The following PPHLN1 variants were observed in gnomAD, a reference collection of about 807,000 sequenced individuals.
The protein encoded by PPHLN1 is periphilin 1.
A neutral mutation model predicts 51.3 loss-of-function variants in PPHLN1; 29 were observed. That is an observed-to-expected ratio of 0.57 (90% CI 0.42 to 0.77). The LOEUF is 0.77. Among genes scored for constraint, PPHLN1 ranks in the 30% least tolerant of loss-of-function variants. The pLI is 0.00. For missense variants in PPHLN1, 436 were observed against 438.4 expected (o/e 0.99, Z 0.05); for synonymous variants, 147 against 147.8 (o/e 0.99, Z 0.04).
intron 2 of PPHLN1, among the ~76,000 whole-genome samples, chr12:42,347,962 CT>C (rs1223139674): frequency 6.6e-6 from 1 of 152,114 alleles, no homozygotes; most frequent in African/African-American, 2.4e-5. Flanking sequence ...AGGGAGTTTT[CT>C]TTAAGATCAG....
At chr12:42,388,619 A>G (rs983198682) in intron 7 of PPHLN1, among the ~76,000 whole-genome samples, 1 of 151,906 alleles carries the variant, frequency 6.6e-6, no homozygotes, top group African/African-American at 2.4e-5. Flanking sequence ...TTCTTTCTCT[A>G]TACTTTGTCT....
downstream of PPHLN1, chr12:42,444,972 T>C: frequency 1.5e-6 from 1 of 687,124 alleles, no homozygotes; most frequent in South Asian, 1.5e-5. Context: ...AGCCCTAATA[T>C]TGGCCCTAGA....
chr12:42,435,171 T>G (rs1816566044), intron 9 of PPHLN1, among the ~76,000 whole-genome samples: 2 of 152,274 alleles, frequency 1.3e-5, no homozygotes, highest in Admixed American at 1.3e-4. Flanking sequence ...AATTAAGGAT[T>G]AATCTTTGGT....
intron 4 of PPHLN1, among the ~76,000 whole-genome samples, chr12:42,362,845 G>T (rs1291228337): frequency 6.6e-6 from 1 of 152,170 alleles, no homozygotes; most frequent in Non-Finnish European, 1.5e-5. Context: ...CAAGACCCTG[G>T]TCACTCATTA....
chr12:42,357,312 AG>A (rs1250590445), intron 4 of PPHLN1, among the ~76,000 whole-genome samples: 17 of 152,312 alleles, frequency 1.1e-4, no homozygotes, highest in African/African-American at 4.1e-4. Flanking sequence ...GAAAGAGTAA[AG>A]GGCTAAATGG....
At chr12:42,327,353 C>G (rs1383944545) in intron 1 of PPHLN1, among the ~76,000 whole-genome samples, 3 of 152,186 alleles carry the variant, frequency 2.0e-5, no homozygotes. Flanking sequence ...CGTAGATTTT[C>G]CTGCCAGCCA....
intron 1 of PPHLN1, chr12:42,332,605 A>G: frequency 8.6e-7 from 1 of 1,163,454 alleles, no homozygotes; most frequent in Non-Finnish European, 1.3e-6. Flanking sequence ...ATTTCTCTAT[A>G]TTGGTTGGTT....
intron 6 of PPHLN1, 81 bp from the exon 7 acceptor site, chr12:42,387,375 C>T (rs1425460247): frequency 2.8e-6 from 4 of 1,440,352 alleles, no homozygotes; most frequent in Non-Finnish European, 3.8e-6. Context: ...GTATGACCCC[C>T]ACATTAATTC....
intron 9 of PPHLN1, among the ~76,000 whole-genome samples, chr12:42,409,799 G>T (rs1383211054): frequency 6.6e-6 from 1 of 151,872 alleles, no homozygotes; most frequent in Non-Finnish European, 1.5e-5. Context: ...GATAATTGAC[G>T]ATTATTTATC....
In PPHLN1 at chr12:42,377,362, A is replaced by G. The variant is rs527306597; in HGVS notation, c.511+2288A>G. On this transcript the variant is annotated intron_variant, in intron 5 of 9. Transcript: ENST00000358314. ...TGCTCTGTCACCCAGGCTGGAGTGCAGTGGTGTGATCTCAACTCACTGCAA... is the reference window on the plus strand; with the variant it reads ...TGCTCTGTCACCCAGGCTGGAGTGCGGTGGTGTGATCTCAACTCACTGCAA... Among the ~76,000 whole-genome samples, 13 of 139,058 alleles carry G rather than the reference A, an allele frequency of 9.3e-5. No individual in the cohort carries two copies. In the East Asian group the frequency reaches 2.8e-3, roughly 29 times the overall value. The allele number at this position is 139,058 out of a possible 152,430, so 91.2% of individuals were successfully genotyped here.
intron 9 of PPHLN1, among the ~76,000 whole-genome samples, chr12:42,411,675 C>T (rs1346418792): frequency 1.3e-5 from 2 of 151,394 alleles, no homozygotes; most frequent in African/African-American, 2.4e-5. Context: ...GAGGCCGAGG[C>T]GGGTGGATCA....
At chr12:42,439,319 G>GT (rs1434536870) in intron 9 of PPHLN1, among the ~76,000 whole-genome samples, 1 of 152,218 alleles carries the variant, frequency 6.6e-6, no homozygotes, top group Non-Finnish European at 1.5e-5. Flanking sequence ...AGTCTTGAAC[G>GT]TAACTGTCAA....
At chr12:42,343,820 C>T (rs747244873) in intron 2 of PPHLN1, 3 of 421,948 alleles carry the variant, frequency 7.1e-6, no homozygotes, top group African/African-American at 2.1e-5. Flanking sequence ...CTCTCTGGGT[C>T]GATACCAGTT....
chr12:42,338,079 T>C (rs1307025433), intron 2 of PPHLN1, among the ~76,000 whole-genome samples: 3 of 151,916 alleles, frequency 2.0e-5, no homozygotes, highest in African/African-American at 7.3e-5. Context: ...CCACTGCCAC[T>C]GCACCCGCAT....
chr12:42,365,614 T>C (rs73270293), intron 4 of PPHLN1, among the ~76,000 whole-genome samples: 2,864 of 113,786 alleles, frequency 0.025, 77 homozygotes, highest in African/African-American at 0.08. Context: ...TAAAGTAATC[T>C]GCAATCACAG....
At chr12:42,364,082 G>A (rs916393576) in intron 4 of PPHLN1, among the ~76,000 whole-genome samples, 3 of 151,996 alleles carry the variant, frequency 2.0e-5, no homozygotes, top group Admixed American at 2.0e-4. Flanking sequence ...AAATTAGCCA[G>A]GCATGGTGGC....
At chr12:42,423,783 T>C (rs575886241) in intron 9 of PPHLN1, among the ~76,000 whole-genome samples, 83 of 152,216 alleles carry the variant, frequency 5.5e-4, no homozygotes, top group African/African-American at 1.8e-3. Flanking sequence ...TTCAAGTGAT[T>C]CTGCTGCCTC....
intron 9 of PPHLN1, among the ~76,000 whole-genome samples, chr12:42,414,246 G>C (rs1277368248): frequency 6.6e-6 from 1 of 151,992 alleles, no homozygotes; most frequent in Non-Finnish European, 1.5e-5. Context: ...CGTTGGCCAG[G>C]CTGGTCCGGA....
intron 9 of PPHLN1, among the ~76,000 whole-genome samples, chr12:42,423,340 ATATT>A (rs2081164364): frequency 6.6e-6 from 1 of 152,106 alleles, no homozygotes; most frequent in Non-Finnish European, 1.5e-5. Flanking sequence ...ATTATTTTAA[ATATT>A]AATTAATTTT....
Sources: gnomAD v4.1 joint callset for allele counts (sites outside exome capture counted in the v4.1 genomes callset) on GRCh38, gnomAD v4.1.1 for gene constraint, MANE v1.5 for transcripts, NCBI Gene and HGNC (gene_info 2026-07-23, HGNC 2026-07-21) for gene names.